The following NXPE2 variants were observed in gnomAD, a reference collection of about 807,000 sequenced individuals.
The protein encoded by NXPE2 is NXPE family member 2.
A neutral mutation model predicts 34.4 loss-of-function variants in NXPE2; 34 were observed. That is an observed-to-expected ratio of 0.99 (90% CI 0.75 to 1.31). The LOEUF is 1.31. Ranked by LOEUF, NXPE2 falls within the 40% of genes most tolerant of loss-of-function variation. NXPE2 has a pLI of 0.00. For missense variants in NXPE2, 649 were observed against 672.5 expected (o/e 0.97, Z 0.39); for synonymous variants, 235 against 231.3 (o/e 1.02, Z -0.15).
the NXPE2 span, among the ~76,000 whole-genome samples, chr11:114,768,568 G>T: frequency 6.6e-6 from 1 of 152,064 alleles, no homozygotes; most frequent in Non-Finnish European, 1.5e-5. Flanking sequence ...CCATTTGTTT[G>T]TGTCCTCTCT....
At chr11:114,798,981 C>A in the NXPE2 span, among the ~76,000 whole-genome samples, 15,434 of 152,260 alleles carry the variant, frequency 0.1, 914 homozygotes, top group Middle Eastern at 0.16. Context: ...GACTCCTTGC[C>A]GCTCTCACTA....
the NXPE2 span, among the ~76,000 whole-genome samples, chr11:114,545,839 C>T: frequency 6.6e-6 from 1 of 152,016 alleles, no homozygotes; most frequent in Non-Finnish European, 1.5e-5. Flanking sequence ...CAGGGGCACA[C>T]CACCACGCCC....
chr11:114,523,444 T>C, the NXPE2 span, among the ~76,000 whole-genome samples: 8 of 152,298 alleles, frequency 5.3e-5, no homozygotes, highest in African/African-American at 1.7e-4. Context: ...GGTCTGCCAG[T>C]TGGTGCCGCT....
chr11:114,751,415 A>G, the NXPE2 span, among the ~76,000 whole-genome samples: 1 of 152,186 alleles, frequency 6.6e-6, no homozygotes, highest in African/African-American at 2.4e-5. Context: ...AATGTGTCCT[A>G]GTATTCCTTT....
At chr11:114,718,223 A>C in the NXPE2 span, among the ~76,000 whole-genome samples, 7 of 152,232 alleles carry the variant, frequency 4.6e-5, no homozygotes, top group African/African-American at 1.7e-4. Flanking sequence ...ATCTTTGGAC[A>C]AGTTATTTAA....
chr11:114,741,818 G>T, the NXPE2 span, among the ~76,000 whole-genome samples: 21 of 152,164 alleles, frequency 1.4e-4, no homozygotes, highest in African/African-American at 5.1e-4. Flanking sequence ...TTTCTTTGGG[G>T]TCACTTACTA....
chr11:114,753,427 A>T, the NXPE2 span, among the ~76,000 whole-genome samples: 1 of 152,208 alleles, frequency 6.6e-6, no homozygotes, highest in African/African-American at 2.4e-5. Flanking sequence ...AAAATATTTA[A>T]CAATCAGCAT....
the NXPE2 span, among the ~76,000 whole-genome samples, chr11:114,585,591 GT>G: frequency 1.3e-5 from 2 of 151,912 alleles, no homozygotes; most frequent in Non-Finnish European, 2.9e-5. Context: ...ACAAATATAT[GT>G]ACGTGTGTGT....
the NXPE2 span, chr11:114,522,474 C>T: frequency 1.6e-5 from 26 of 1,605,894 alleles, no homozygotes; most frequent in Non-Finnish European, 1.6e-5. Context: ...TTAAAGATTC[C>T]AGTTTCATGA....
At chr11:114,549,072 C>T in the NXPE2 span, among the ~76,000 whole-genome samples, 12 of 151,578 alleles carry the variant, frequency 7.9e-5, no homozygotes, top group Non-Finnish European at 1.8e-4. Context: ...TCAGAAAATA[C>T]AACCTATCAA....
chr11:114,522,415 T>C, the NXPE2 span: 2 of 1,614,092 alleles, frequency 1.2e-6, no homozygotes, highest in Middle Eastern at 1.6e-4. Flanking sequence ...AGCTATGTTT[T>C]TTCCATTGAA....
the NXPE2 span, among the ~76,000 whole-genome samples, chr11:114,608,548 ATTGTTGCATCGTGT>A: frequency 4.2e-4 from 63 of 151,646 alleles, no homozygotes; most frequent in Non-Finnish European, 7.8e-4. Flanking sequence ...GTGGATAATA[ATTGTTGCATCGTGT>A]GTATCCACTG....
At chr11:114,582,569 G>T in the NXPE2 span, 1 of 1,614,180 alleles carries the variant, frequency 6.2e-7, no homozygotes, top group Non-Finnish European at 8.5e-7. Context: ...CTTCACTGGG[G>T]TGGATGAGCA....
At chr11:114,530,169 A>T in the NXPE2 span, 1 of 1,591,742 alleles carries the variant, frequency 6.3e-7, no homozygotes, top group Non-Finnish European at 8.5e-7. Context: ...TGAAAAGTAT[A>T]CTCACCTGTG....
the NXPE2 span, among the ~76,000 whole-genome samples, chr11:114,602,281 T>G: frequency 1.7e-5 from 2 of 118,902 alleles, no homozygotes; most frequent in East Asian, 4.7e-4. Flanking sequence ...TTATACTATA[T>G]ATATGTTATC....
At chr11:114,476,719 A>C in the NXPE2 span, among the ~76,000 whole-genome samples, 1 of 152,278 alleles carries the variant, frequency 6.6e-6, no homozygotes, top group South Asian at 2.1e-4. Flanking sequence ...TGTCATGAGA[A>C]CAGCATGGAG....
chr11:114,512,088 G>A, the NXPE2 span, among the ~76,000 whole-genome samples: 4 of 152,296 alleles, frequency 2.6e-5, no homozygotes, highest in South Asian at 8.3e-4. Flanking sequence ...ATGGTAGAAA[G>A]TGCCGGGATT....
chr11:114,702,426 A>C (rs1183828147), intron 3 of NXPE2, among the ~76,000 whole-genome samples: 1 of 152,098 alleles, frequency 6.6e-6, no homozygotes, highest in Non-Finnish European at 1.5e-5. Context: ...GGTATGGGAG[A>C]ATAGAGGTTT....
the NXPE2 span, among the ~76,000 whole-genome samples, chr11:114,486,447 G>A: frequency 1.1e-3 from 173 of 152,202 alleles, no homozygotes; most frequent in African/African-American, 4.0e-3. Context: ...CATTCTGTGG[G>A]TTGTCTCTTC....
Sources: allele counts gnomAD v4.1 joint callset (sites outside exome capture counted in the v4.1 genomes callset), GRCh38; gene constraint gnomAD v4.1.1; transcripts MANE v1.5; gene names NCBI Gene and HGNC (gene_info 2026-07-23, HGNC 2026-07-21).